The following MAPK4 variants were observed in gnomAD, a reference collection of about 807,000 sequenced individuals.
MAPK4 encodes the protein mitogen-activated protein kinase 4.
MAPK4 carries 22 observed loss-of-function variants against 47.7 expected under a neutral mutation model. The ratio of observed to expected loss-of-function variants is 0.46; its 90% confidence interval spans 0.33 to 0.66. The LOEUF (loss-of-function observed/expected upper bound fraction) is 0.66, where lower values mean the gene tolerates loss of function less well. MAPK4 is among the 30% of genes least tolerant of loss of function. MAPK4 has a pLI of 0.02. For synonymous variants in MAPK4, 390 were observed against 365.7 expected, an observed-to-expected ratio of 1.07 and a Z score of -0.76; for missense variants, 736 against 831.7, an observed-to-expected ratio of 0.88 and a Z score of 1.42.
chr18:50,634,280 CT>C (rs1255891649), intron 1 of MAPK4, among the ~76,000 whole-genome samples: 1 of 149,368 alleles, frequency 6.7e-6, no homozygotes, highest in Non-Finnish European at 1.5e-5. Flanking sequence ...GCATGTGCAA[CT>C]TTTTTCAGCA....
At chr18:50,685,810 T>G (rs1908850148) in intron 2 of MAPK4, among the ~76,000 whole-genome samples, 2 of 151,906 alleles carry the variant, frequency 1.3e-5, no homozygotes, top group Non-Finnish European at 2.9e-5. Context: ...GCCATCTTCT[T>G]GAATGGCACC....
At chr18:50,603,075 G>A (rs750593245) in intron 1 of MAPK4, among the ~76,000 whole-genome samples, 2 of 152,120 alleles carry the variant, frequency 1.3e-5, no homozygotes, top group Non-Finnish European at 2.9e-5. Context: ...GAGAGGGGCT[G>A]CATCACCCTC....
intron 2 of MAPK4, among the ~76,000 whole-genome samples, chr18:50,677,590 C>T (rs1304900031): frequency 6.6e-6 from 1 of 151,944 alleles, no homozygotes; most frequent in Admixed American, 6.6e-5. Context: ...GACAGGGTCC[C>T]ACTCTGTTGC....
In MAPK4 at chr18:50,729,958, G is replaced by T. The variant is rs1358827851; in HGVS notation, c.*104G>T. ...TCCCGCCCCTCTCTGCTGCCTTGGG[G>T]TTGGCAGAACACGTGAAGGATCCGA... is the stretch of plus-strand genomic sequence containing the variant. On this transcript the variant is annotated 3_prime_UTR_variant, in exon 6 of 6. Coordinates refer to ENST00000400384, the MANE Select transcript of MAPK4 (RefSeq NM_002747.4). 4.0e-6 allele frequency: 5 copies of T among 1,238,968 alleles called. No individual in the cohort carries two copies. The highest frequency in any genetic ancestry group is 1.5e-5 in the African/African-American group (1 of 66,232). 76.7% of individuals were successfully genotyped at this position (1,238,968 alleles called of 1,614,324 possible).
intron 1 of MAPK4, among the ~76,000 whole-genome samples, chr18:50,622,838 G>T (rs1273350307): frequency 6.6e-6 from 1 of 152,242 alleles, no homozygotes; most frequent in Admixed American, 6.5e-5. Context: ...TACTGTAAGA[G>T]CATCTTCTGT....
intron 1 of MAPK4, among the ~76,000 whole-genome samples, chr18:50,626,229 A>C (rs2042776726): frequency 6.6e-6 from 1 of 152,246 alleles, no homozygotes; most frequent in Non-Finnish European, 1.5e-5. Flanking sequence ...AAACATCCAG[A>C]ATAATGTTTG....
Position 50,617,638 on chromosome 18 carries a change from T to C in MAPK4, c.-870-45451T>C, listed in dbSNP as rs574808997. 7.2e-5 allele frequency among the ~76,000 whole-genome samples: 11 copies of C among 152,346 alleles called. No homozygotes were observed. In the South Asian group the frequency reaches 2.3e-3, roughly 32 times the overall value. Reference sequence around the variant, plus strand: ...TCCCAGAGCTGAGAGCTGGAGATCATTGATTATAACTCTCTTCATGGGCCA... The same window carrying C: ...TCCCAGAGCTGAGAGCTGGAGATCACTGATTATAACTCTCTTCATGGGCCA... On this transcript the variant is annotated intron_variant, in intron 1 of 5. Coordinates refer to ENST00000400384, the MANE Select transcript of MAPK4 (RefSeq NM_002747.4).
chr18:50,698,944 G>A (rs2144374419), intron 2 of MAPK4, among the ~76,000 whole-genome samples: 1 of 152,158 alleles, frequency 6.6e-6, no homozygotes, highest in Non-Finnish European at 1.5e-5. Flanking sequence ...AGAATCACTT[G>A]AACCCAAGAG....
At chr18:50,593,077 C>T (rs2149368343) in intron 1 of MAPK4, among the ~76,000 whole-genome samples, 1 of 152,292 alleles carries the variant, frequency 6.6e-6, no homozygotes, top group East Asian at 1.9e-4. Flanking sequence ...CCTGAGGCCA[C>T]ACAGCTAGTA....
At chr18:50,710,642 T>G (rs1328534629) in intron 2 of MAPK4, among the ~76,000 whole-genome samples, 1 of 151,696 alleles carries the variant, frequency 6.6e-6, no homozygotes, top group Admixed American at 6.6e-5. Context: ...TAGCCGGGCG[T>G]GGTGGCAGGC....
chr18:50,707,989 A>C (rs920234545), intron 2 of MAPK4, among the ~76,000 whole-genome samples: 1 of 152,228 alleles, frequency 6.6e-6, no homozygotes, highest in African/African-American at 2.4e-5. Context: ...TGATTTAGCC[A>C]AACGATTTCT....
At chr18:50,692,268 G>A (rs1008886129) in intron 2 of MAPK4, among the ~76,000 whole-genome samples, 2 of 152,202 alleles carry the variant, frequency 1.3e-5, no homozygotes, top group Non-Finnish European at 2.9e-5. Flanking sequence ...GAGGCTCCAT[G>A]CAGGGCCTCT....
At chr18:50,564,641 A>C (rs2042183027) in intron 1 of MAPK4, among the ~76,000 whole-genome samples, 1 of 152,268 alleles carries the variant, frequency 6.6e-6, no homozygotes, top group African/African-American at 2.4e-5. Flanking sequence ...TTCATAAATT[A>C]GAATAAATAT....
Position 50,678,958 on chromosome 18 carries a change from A to C in MAPK4, c.546+14454A>C, listed in dbSNP as rs1032677974. 6.6e-6 allele frequency among the ~76,000 whole-genome samples: 1 copy of C among 152,160 alleles called. No individual in the cohort carries two copies. Among genetic ancestry groups the C allele is most frequent in the Admixed American group, 6.5e-5 (1 of 15,278 alleles). On this transcript the variant is annotated intron_variant, in intron 2 of 5. Coordinates refer to ENST00000400384, the MANE Select transcript of MAPK4 (RefSeq NM_002747.4). The surrounding 1 kb of genome is among the most constrained non-coding windows in gnomAD (Gnocchi z 4.2). ...TTTTTGCAGCGTCTTCTGCATACAA[A>C]TACTACCATCTGTAGGAACCATGCA...
chr18:50,611,261 A>G (rs2042630729), intron 1 of MAPK4, among the ~76,000 whole-genome samples: 1 of 152,142 alleles, frequency 6.6e-6, no homozygotes, highest in African/African-American at 2.4e-5. Flanking sequence ...TAGAGACACC[A>G]TTTCTCCAAA....
intron 1 of MAPK4, among the ~76,000 whole-genome samples, chr18:50,589,884 T>G (rs2042422556): frequency 6.6e-6 from 1 of 152,232 alleles, no homozygotes; most frequent in African/African-American, 2.4e-5. Context: ...TGCGTTTAGT[T>G]AGTCCTCTCA....
chr18:50,611,132 G>A (rs779277836), intron 1 of MAPK4, among the ~76,000 whole-genome samples: 2 of 152,168 alleles, frequency 1.3e-5, no homozygotes, highest in South Asian at 2.1e-4. Context: ...GCAGGTTCTC[G>A]CTTACGTGAC....
intron 2 of MAPK4, among the ~76,000 whole-genome samples, chr18:50,665,602 A>G (rs1311503189): frequency 6.6e-6 from 1 of 152,124 alleles, no homozygotes; most frequent in South Asian, 2.1e-4. Context: ...GCACCCCCAC[A>G]TAGAAGGGCA....
intron 1 of MAPK4, among the ~76,000 whole-genome samples, chr18:50,657,952 G>A (rs1365256163): frequency 5.3e-5 from 8 of 152,084 alleles, no homozygotes; most frequent in African/African-American, 1.9e-4. Flanking sequence ...GCCACAGTCA[G>A]TGTCAGCTAC....
Sources: allele counts gnomAD v4.1 joint callset (sites outside exome capture counted in the v4.1 genomes callset), GRCh38; gene constraint gnomAD v4.1.1; non-coding constraint Gnocchi (gnomAD v3.1); transcripts MANE v1.5; gene names NCBI Gene and HGNC (gene_info 2026-07-23, HGNC 2026-07-21).